The following SPOCK3 variants were observed in gnomAD, a reference collection of about 807,000 sequenced individuals.
The protein encoded by SPOCK3 is SPARC (osteonectin), cwcv and kazal like domains proteoglycan 3, also known as testican-3.
A neutral mutation model predicts 56.6 loss-of-function variants in SPOCK3; 30 were observed. The ratio of observed to expected loss-of-function variants is 0.53; its 90% CI spans 0.40 to 0.72. The LOEUF is 0.72. SPOCK3 is among the 30% of genes least tolerant of loss of function. The pLI is 0.00. For synonymous variants in SPOCK3, 196 were observed against 183.3 expected (o/e 1.07, Z -0.56); for missense variants, 527 against 530.0 (o/e 0.99, Z 0.06).
chr4:167,057,495 T>C (rs1015054624), intron 3 of SPOCK3, among the ~76,000 whole-genome samples: 4 of 150,832 alleles, frequency 2.7e-5, no homozygotes, highest in Non-Finnish European at 3.0e-5. Context: ...GACTGGCAAA[T>C]TGGATAAAGA....
chr4:166,738,901 G>C (rs2126370199), intron 9 of SPOCK3, among the ~76,000 whole-genome samples: 1 of 152,062 alleles, frequency 6.6e-6, no homozygotes, highest in East Asian at 1.9e-4. Flanking sequence ...CCAAGTCTTT[G>C]CTATTGTAAA....
intron 4 of SPOCK3, among the ~76,000 whole-genome samples, chr4:166,934,268 A>C (rs953431784): frequency 7.3e-5 from 11 of 151,618 alleles, no homozygotes; most frequent in Non-Finnish European, 1.5e-5. Context: ...AGACTGGTGG[A>C]TCACCAGGTC....
At chr4:167,230,500 CAA>C (rs35421281) in intron 2 of SPOCK3, among the ~76,000 whole-genome samples, 14 of 85,838 alleles carry the variant, frequency 1.6e-4, no homozygotes, top group Admixed American at 2.4e-4. Context: ...AGCCCCCCAC[CAA>C]AAAAAAAAAA....
At chr4:167,037,652 G>T (rs1302250830) in intron 3 of SPOCK3, among the ~76,000 whole-genome samples, 7 of 152,118 alleles carry the variant, frequency 4.6e-5, no homozygotes, top group Non-Finnish European at 1.0e-4. Context: ...AGCCCAGAAG[G>T]CACTTGAACT....
intron 2 of SPOCK3, among the ~76,000 whole-genome samples, chr4:167,169,226 C>T (rs377389219): frequency 6.6e-6 from 1 of 152,156 alleles, no homozygotes; most frequent in African/African-American, 2.4e-5. Context: ...TGGCCACTAT[C>T]CTCCAGAACC....
intron 7 of SPOCK3, among the ~76,000 whole-genome samples, chr4:166,791,496 C>T (rs967185244): frequency 2.0e-5 from 3 of 151,912 alleles, no homozygotes; most frequent in South Asian, 2.1e-4. Flanking sequence ...GCCCGTGTTT[C>T]GATATCCTTT....
intron 2 of SPOCK3, among the ~76,000 whole-genome samples, chr4:167,149,252 T>C (rs930002051): frequency 6.6e-6 from 1 of 152,148 alleles, no homozygotes; most frequent in Admixed American, 6.6e-5. Flanking sequence ...AAATTTCCTA[T>C]GTACTGAGAA....
At chr4:166,778,816 G>A (rs1005024892) in intron 7 of SPOCK3, among the ~76,000 whole-genome samples, 6 of 151,930 alleles carry the variant, frequency 3.9e-5, no homozygotes, top group East Asian at 1.9e-4. Context: ...GTTATGTGTA[G>A]TGAATTTCCA....
At chr4:167,119,127 G>T (rs1454612033) in intron 2 of SPOCK3, among the ~76,000 whole-genome samples, 5 of 72,214 alleles carry the variant, frequency 6.9e-5, no homozygotes, top group Non-Finnish European at 9.0e-5. Context: ...TTCTGAACTA[G>T]AAGGCGGGGT....
At position 166,982,431 on chromosome 4, in the gene SPOCK3, A is replaced by G. The variant is rs546021913; in HGVS notation, c.350+17918T>C. On this transcript the variant is annotated intron_variant, in intron 4 of 10. Transcript: ENST00000357545. ...CTATAGACGTGGTGGTAGGCGCCGT[A>G]GTCCCAGCTACTTGGGAGGCTGAAG... Among the ~76,000 whole-genome samples the G allele has an allele frequency of 2.6e-5, 4 of 152,336 alleles. No homozygotes were observed. In the South Asian group the frequency reaches 8.3e-4, roughly 32 times the overall value.
chr4:166,854,592 ATT>A (rs1730466173), intron 6 of SPOCK3, among the ~76,000 whole-genome samples: 1 of 152,208 alleles, frequency 6.6e-6, no homozygotes, highest in Non-Finnish European at 1.5e-5. Context: ...AATGTATGCT[ATT>A]TTTATATAAC....
At chr4:166,856,039 G>A (rs1730615339) in intron 6 of SPOCK3, among the ~76,000 whole-genome samples, 1 of 152,110 alleles carries the variant, frequency 6.6e-6, no homozygotes, top group African/African-American at 2.4e-5. Flanking sequence ...GGCAGGTACA[G>A]CAAGATAAGT....
At chr4:167,032,627 T>C (rs1462900769) in intron 3 of SPOCK3, among the ~76,000 whole-genome samples, 1 of 151,840 alleles carries the variant, frequency 6.6e-6, no homozygotes, top group Middle Eastern at 3.2e-3. Flanking sequence ...ATGCAGAACA[T>C]ACATGTGTGT....
chr4:166,994,767 A>T (rs560813399), intron 4 of SPOCK3, among the ~76,000 whole-genome samples: 1 of 152,274 alleles, frequency 6.6e-6, no homozygotes, highest in South Asian at 2.1e-4. Context: ...TGACTGACTA[A>T]GATGTACAAT....
chr4:166,972,392 C>T (rs949235503), intron 4 of SPOCK3, among the ~76,000 whole-genome samples: 3 of 152,016 alleles, frequency 2.0e-5, no homozygotes, highest in Admixed American at 6.6e-5. Context: ...TCTAAATAGC[C>T]GGGTTGGCAG....
intron 3 of SPOCK3, among the ~76,000 whole-genome samples, chr4:167,048,808 T>C (rs1213761120): frequency 6.6e-6 from 1 of 152,198 alleles, no homozygotes; most frequent in Non-Finnish European, 1.5e-5. Context: ...TTATTTATCC[T>C]TGTAATTTTG....
chr4:167,019,056 T>C (rs1393157876), intron 3 of SPOCK3, among the ~76,000 whole-genome samples: 1 of 152,060 alleles, frequency 6.6e-6, no homozygotes, highest in African/African-American at 2.4e-5. Context: ...CAAGAGGCAG[T>C]GGATGCACCC....
chr4:166,976,910 T>C (rs1336257567), intron 4 of SPOCK3, among the ~76,000 whole-genome samples: 2 of 150,966 alleles, frequency 1.3e-5, no homozygotes, highest in Non-Finnish European at 1.5e-5. Context: ...TATTTTATTA[T>C]ACCATTTGAT....
At chr4:166,787,607 G>A (rs1024975327) in intron 7 of SPOCK3, among the ~76,000 whole-genome samples, 8 of 151,946 alleles carry the variant, frequency 5.3e-5, no homozygotes, top group African/African-American at 1.9e-4. Flanking sequence ...TTATTATGCA[G>A]GCCTACTGTG....
Sources: allele counts gnomAD v4.1 joint callset (sites outside exome capture counted in the v4.1 genomes callset), GRCh38; gene constraint gnomAD v4.1.1; transcripts MANE v1.5; gene names NCBI Gene and HGNC (gene_info 2026-07-23, HGNC 2026-07-21).